RICTOR: variants seen among roughly 807,000 people sequenced by gnomAD.
RICTOR encodes rapamycin-insensitive companion of mTOR.
Under a neutral mutation model 214.9 loss-of-function variants are expected in RICTOR, and 49 were observed. That is an observed-to-expected ratio of 0.23 (90% CI 0.18 to 0.29). The LOEUF (loss-of-function observed/expected upper bound fraction) is 0.29, where lower values mean the gene tolerates loss of function less well. RICTOR is among the 10% of genes least tolerant of loss of function. The pLI is 1.00. For missense variants in RICTOR, 1,625 were observed against 2,047.0 expected, an observed-to-expected ratio of 0.79 and a Z score of 3.98; for synonymous variants, 717 against 711.3, an observed-to-expected ratio of 1.01 and a Z score of -0.13.
chr5:39,041,772 A>G (rs2150171126), intron 2 of RICTOR, among the ~76,000 whole-genome samples: 1 of 152,108 alleles, frequency 6.6e-6, no homozygotes, highest in East Asian at 1.9e-4. Context: ...ACAATGTTAT[A>G]AGTTAATTGG....
intron 31 of RICTOR, chr5:38,949,302 T>G: frequency 1.7e-6 from 2 of 1,163,818 alleles, no homozygotes; most frequent in Non-Finnish European, 2.4e-6. Flanking sequence ...TTTTCATTTA[T>G]CTTTTTAAAA....
At chr5:38,951,766 A>C (rs1748805042) in intron 30 of RICTOR, among the ~76,000 whole-genome samples, 1 of 152,020 alleles carries the variant, frequency 6.6e-6, no homozygotes, top group African/African-American at 2.4e-5. Flanking sequence ...TCACTATTTT[A>C]AAATTTAGTG....
intron 10 of RICTOR, among the ~76,000 whole-genome samples, chr5:38,972,761 G>C (rs1395128895): frequency 2.6e-5 from 4 of 151,434 alleles, no homozygotes; most frequent in Non-Finnish European, 5.9e-5. Context: ...AGGTATTTAC[G>C]CAAGAGAAAT....
intron 10 of RICTOR, 70 bp downstream of exon 10, chr5:38,975,467 T>G: frequency 9.5e-7 from 1 of 1,055,014 alleles, no homozygotes; most frequent in Non-Finnish European, 1.5e-6. Context: ...GCTACAATAA[T>G]AATTTAACAT....
chr5:38,990,707 A>ATATACGATATATC (rs1281321409), intron 7 of RICTOR, among the ~76,000 whole-genome samples: 1 of 90,702 alleles, frequency 1.1e-5, no homozygotes, highest in Non-Finnish European at 2.2e-5. Flanking sequence ...TATATCAGAT[A>ATATACGATATATC]TGATATATAT....
chr5:38,998,040 T>C (rs1243517165), intron 5 of RICTOR, among the ~76,000 whole-genome samples: 1 of 152,196 alleles, frequency 6.6e-6, no homozygotes, highest in East Asian at 1.9e-4. Context: ...AGAAACACAA[T>C]ACTCTAAGAA....
chr5:39,038,974 T>A (rs1356944353), intron 2 of RICTOR, among the ~76,000 whole-genome samples: 1 of 152,078 alleles, frequency 6.6e-6, no homozygotes, highest in East Asian at 1.9e-4. Flanking sequence ...TACTTTAAAG[T>A]TCATATGGAA....
At chr5:39,009,109 G>A (rs561556320) in intron 3 of RICTOR, among the ~76,000 whole-genome samples, 30 of 152,194 alleles carry the variant, frequency 2.0e-4, no homozygotes, top group African/African-American at 7.2e-4. Flanking sequence ...ATGAAAGGTT[G>A]TAAAATTCTA....
intron 10 of RICTOR, among the ~76,000 whole-genome samples, chr5:38,974,982 C>T (rs145370618): frequency 6.0e-4 from 91 of 152,244 alleles, no homozygotes; most frequent in African/African-American, 2.0e-3. Context: ...AAAGTAATTG[C>T]GGTTTTTGCC....
intron 2 of RICTOR, among the ~76,000 whole-genome samples, chr5:39,039,291 C>G (rs1197780345): frequency 3.9e-5 from 6 of 152,106 alleles, no homozygotes; most frequent in Non-Finnish European, 7.4e-5. Context: ...GGATCCCTTC[C>G]TTACACCTTA....
At chr5:39,000,024 G>C (rs148947141) in intron 5 of RICTOR, among the ~76,000 whole-genome samples, 2 of 151,762 alleles carry the variant, frequency 1.3e-5, no homozygotes, top group Non-Finnish European at 2.9e-5. Context: ...GGAATAAAGA[G>C]GGTTATTTTA....
chr5:39,040,016 A>G (rs1757047603), intron 2 of RICTOR, among the ~76,000 whole-genome samples: 1 of 152,280 alleles, frequency 6.6e-6, no homozygotes, highest in South Asian at 2.1e-4. Context: ...ACACATGCAC[A>G]CGTATGTTTA....
intron 2 of RICTOR, among the ~76,000 whole-genome samples, chr5:39,057,079 G>A (rs182364697): frequency 6.6e-6 from 1 of 152,292 alleles, no homozygotes; most frequent in Admixed American, 6.5e-5. Flanking sequence ...AAATACATGA[G>A]TGAATAAATT....
At chr5:39,043,544 T>A (rs1212781676) in intron 2 of RICTOR, among the ~76,000 whole-genome samples, 1 of 152,194 alleles carries the variant, frequency 6.6e-6, no homozygotes, top group Non-Finnish European at 1.5e-5. Flanking sequence ...TGTTCTCTTG[T>A]GCAGTAGGGT....
At chr5:38,992,085 T>TA (rs1752827132) in intron 6 of RICTOR, among the ~76,000 whole-genome samples, 1 of 152,122 alleles carries the variant, frequency 6.6e-6, no homozygotes, top group Non-Finnish European at 1.5e-5. Context: ...TCAGTAGTTG[T>TA]AAGTGGTTTG....
chr5:39,004,553 G>A (rs552244447), intron 3 of RICTOR, among the ~76,000 whole-genome samples: 22 of 150,752 alleles, frequency 1.5e-4, no homozygotes, highest in Non-Finnish European at 2.8e-4. Flanking sequence ...TCTGCCTCCC[G>A]GGTTCAAGTG....
chr5:38,959,180 C>A lies in RICTOR; in HGVS notation c.2178+15G>T. 1 of 1,553,358 alleles carries A rather than the reference C, an allele frequency of 6.4e-7. No individual in the cohort carries two copies. Among genetic ancestry groups the A allele is most frequent in the Non-Finnish European group, 8.7e-7 (1 of 1,152,842 alleles). On this transcript the variant is annotated intron_variant, in intron 22 of 37. Coordinates refer to ENST00000357387, the MANE Select transcript of RICTOR (RefSeq NM_152756.5). ...TTGGTTATAAATATAGTTTTACTGG[C>A]TATGTTATACTCACATCAGTAGCTG...
chr5:38,980,437 T>C (rs773931507), intron 8 of RICTOR, among the ~76,000 whole-genome samples: 2 of 152,210 alleles, frequency 1.3e-5, no homozygotes, highest in Non-Finnish European at 2.9e-5. Context: ...CTAAGTTAAA[T>C]TGAGGCTACA....
intron 3 of RICTOR, among the ~76,000 whole-genome samples, chr5:39,005,432 T>C (rs1473946408): frequency 1.3e-5 from 2 of 152,146 alleles, no homozygotes; most frequent in African/African-American, 4.8e-5. Flanking sequence ...TTCTATTACA[T>C]GTATCTAATG....
Sources: gnomAD v4.1 joint callset for allele counts (sites outside exome capture counted in the v4.1 genomes callset) on GRCh38, gnomAD v4.1.1 for gene constraint, MANE v1.5 for transcripts, NCBI Gene and HGNC (gene_info 2026-07-23, HGNC 2026-07-21) for gene names.